RIMBP2: variants seen among roughly 807,000 people sequenced by gnomAD.
The protein encoded by RIMBP2 is RIMS binding protein 2.
A neutral mutation model predicts 118.6 loss-of-function variants in RIMBP2; 48 were observed. The observed-to-expected ratio is 0.40, with a 90% confidence interval of 0.32 to 0.51. The LOEUF is 0.51. RIMBP2 is among the 20% of genes least tolerant of loss of function. The pLI is 0.41. For missense variants in RIMBP2, 1,551 were observed against 1,768.3 expected, an observed-to-expected ratio of 0.88 and a Z score of 2.20; for synonymous variants, 762 against 742.9, an observed-to-expected ratio of 1.03 and a Z score of -0.42.
In RIMBP2 at chr12:130,532,864, C is replaced by G. The variant is rs544113624; in HGVS notation, c.-216-14947G>C. Among the ~76,000 whole-genome samples, 3 of 148,968 alleles carry G rather than the reference C, an allele frequency of 2.0e-5. No individual in the cohort carries two copies. The East Asian group carries it at 6.1e-4, about 30-fold the overall frequency. ...GCGTGTGTTTAGCCTCTAGGAGGGACGTCTAATGAGATGCGTATGTTTAGC... is the reference window on the plus strand; with the variant it reads ...GCGTGTGTTTAGCCTCTAGGAGGGAGGTCTAATGAGATGCGTATGTTTAGC... On this transcript the variant is annotated intron_variant, in intron 2 of 22. Transcript: ENST00000690449.
intron 2 of RIMBP2, among the ~76,000 whole-genome samples, chr12:130,540,134 G>C (rs1232278867): frequency 6.6e-6 from 1 of 152,144 alleles, no homozygotes; most frequent in Non-Finnish European, 1.5e-5. Flanking sequence ...GGCTATGGCA[G>C]GAACTTGGGT....
Position 130,450,921 on chromosome 12 carries a change from C to T in RIMBP2, c.504+274G>A, listed in dbSNP as rs151250233. Among the ~76,000 whole-genome samples the T allele has an allele frequency of 6.6e-6, 1 of 152,228 alleles. No individual in the cohort carries two copies. Among genetic ancestry groups the T allele is most frequent in the Non-Finnish European group, 1.5e-5 (1 of 68,046 alleles). ...CAACAGCCTTGCTGCGTCATCCTTGCACCCCTCGATGGGATTTGCTTTTCT... is the reference window on the plus strand; with the variant it reads ...CAACAGCCTTGCTGCGTCATCCTTGTACCCCTCGATGGGATTTGCTTTTCT... On this transcript the variant is annotated intron_variant, in intron 8 of 22. Coordinates refer to ENST00000690449, the MANE Select transcript of RIMBP2 (RefSeq NM_001393629.1). This position sits in a 1 kb window ranked among gnomAD's most constrained non-coding sequence, Gnocchi z 4.8.
chr12:130,613,813 C>CAAAAA (rs376443531), intron 2 of RIMBP2, among the ~76,000 whole-genome samples: 2 of 105,062 alleles, frequency 1.9e-5, no homozygotes, highest in Non-Finnish European at 1.9e-5. Context: ...GACTCTGTCT[C>CAAAAA]AAAAAAAAAA....
rs534454219 is a variant in RIMBP2, at chr12:130,478,829, C to G, written c.102+83G>C. 1.0e-5 allele frequency: 10 copies of G among 954,874 alleles called. No individual in the cohort carries two copies. In the East Asian group the frequency reaches 2.0e-4, roughly 19 times the overall value. The allele number at this position is 954,874 out of a possible 1,614,324, so 59.2% of individuals were successfully genotyped here. A position where few individuals can be genotyped will look rare whatever the true frequency, so the allele number is the denominator to read the frequency against. ...CGGCCTGGGAGCCAAGGCCGCAGGT[C>G]GGCCGCTCCACCACACCAGGGATCC... On this transcript the variant is annotated intron_variant, in intron 5 of 22. Coordinates refer to ENST00000690449, the MANE Select transcript of RIMBP2 (RefSeq NM_001393629.1).
rs971740966 is a variant in RIMBP2 at position 130,397,462 on chromosome 12, A to T, written c.3988T>A (p.Ser1330Thr). ...HSGSPTSSMGSGSPGRGREMS... is the reference protein window; with the variant it reads ...HSGSPTSSMGTGSPGRGREMS... Reference sequence around the variant, plus strand: ...TCCCTGCCTCTCCCAGGACTACCAGAACCCATAGATGACGTAGGTGACCCC... The same window carrying T: ...TCCCTGCCTCTCCCAGGACTACCAGTACCCATAGATGACGTAGGTGACCCC... Residue 1330 changes from serine (S) to threonine (T), a missense_variant, in exon 23 of 23, where the codon TCT becomes ACT. This residue lies in a region of RIMBP2 where 1,038 missense variants were observed against 1,125.1 expected (regional missense o/e 0.92). Coordinates refer to ENST00000690449, the MANE Select transcript of RIMBP2 (RefSeq NM_001393629.1). 2.5e-6 allele frequency: 1 copy of T among 398,848 alleles called. No individual in the cohort carries two copies. Among genetic ancestry groups the T allele is most frequent in the Non-Finnish European group, 4.4e-6 (1 of 226,080 alleles). The allele number at this position is 398,848 out of a possible 1,614,324, so 24.7% of individuals were successfully genotyped here.
chr12:130,558,630 C>T (rs1242992624), intron 2 of RIMBP2, among the ~76,000 whole-genome samples: 2 of 152,200 alleles, frequency 1.3e-5, no homozygotes, highest in Non-Finnish European at 2.9e-5. Context: ...ACCGAGAATG[C>T]AGCCAGCCTG....
intron 2 of RIMBP2, among the ~76,000 whole-genome samples, chr12:130,615,202 T>G (rs1029108094): frequency 6.9e-6 from 1 of 144,756 alleles, no homozygotes; most frequent in Non-Finnish European, 1.5e-5. Context: ...TTACAACATA[T>G]ACATCATATT....
chr12:130,416,228 A>C (rs1031004863), intron 17 of RIMBP2, among the ~76,000 whole-genome samples: 1 of 152,254 alleles, frequency 6.6e-6, no homozygotes, highest in African/African-American at 2.4e-5. Flanking sequence ...AAACTACTCT[A>C]AAATTCATAT....
At chr12:130,460,349 T>C (rs569725285) in intron 6 of RIMBP2, among the ~76,000 whole-genome samples, 2 of 152,292 alleles carry the variant, frequency 1.3e-5, no homozygotes, top group East Asian at 1.9e-4. Context: ...GTAATCATGG[T>C]GGCAGTATTG....
Position 130,424,272 on chromosome 12 carries a change from T to C in RIMBP2, c.2999A>G (p.Lys1000Arg), listed in dbSNP as rs113661528. ...QPGPERPPPR[K>R]HGWGEPTEHQ... ...CTCGGTGGGCTCGCCCCAGCCGTGC[T>C]TCCTGGGGGGCGGCCTCTCCGGGCC... The change falls in exon 16 of 23, where the codon AAG (lysine) becomes AGG (arginine). Residue 1000 changes from lysine to arginine, a missense_variant. Around this residue, in one of 5 missense-constraint regions of RIMBP2, gnomAD observed 1,038 missense variants for 1,125.1 expected, o/e 0.92. Transcript: ENST00000690449. The surrounding 1 kb of genome is among the most constrained non-coding windows in gnomAD (Gnocchi z 9.8). The C allele has an allele frequency of 9.2e-3, 11,284 of 1,231,730 alleles. 767 individuals are homozygous for C. In the African/African-American group the frequency reaches 0.15, roughly 17 times the overall value. The allele number at this position is 1,231,730 out of a possible 1,614,324, so 76.3% of individuals were successfully genotyped here. A position where few individuals can be genotyped will look rare whatever the true frequency, so the allele number is the denominator to read the frequency against.
intron 3 of RIMBP2, among the ~76,000 whole-genome samples, chr12:130,515,539 T>C (rs965411009): frequency 2.0e-5 from 3 of 152,214 alleles, no homozygotes; most frequent in African/African-American, 7.2e-5. Flanking sequence ...GTAGCGTGTG[T>C]CAGAGTTTCC....
intron 2 of RIMBP2, among the ~76,000 whole-genome samples, chr12:130,588,647 G>C (rs1481237263): frequency 6.6e-6 from 1 of 152,224 alleles, no homozygotes; most frequent in African/African-American, 2.4e-5. Flanking sequence ...AGACAAGAAA[G>C]CGAGTCCAAT....
intron 17 of RIMBP2, among the ~76,000 whole-genome samples, chr12:130,418,456 G>A (rs2076227991): frequency 6.6e-6 from 1 of 152,214 alleles, no homozygotes; most frequent in Non-Finnish European, 1.5e-5. Context: ...GAACAGCTGT[G>A]GCTGCATGAG....
chr12:130,452,445 C>A (rs1201928575), intron 7 of RIMBP2, among the ~76,000 whole-genome samples: 2 of 152,212 alleles, frequency 1.3e-5, no homozygotes, highest in Admixed American at 1.3e-4. Flanking sequence ...TCCTGGAGGG[C>A]AGGACCTTGT....
chr12:130,674,841 C>A (rs1312131105), intron 1 of RIMBP2, among the ~76,000 whole-genome samples: 1 of 152,012 alleles, frequency 6.6e-6, no homozygotes, highest in Non-Finnish European at 1.5e-5. Flanking sequence ...CGGGACGGGT[C>A]GTATACGTGG....
chr12:130,397,589 G>A (rs1031352020), intron 22 of RIMBP2, 40 bp from the exon 23 acceptor site: 13 of 398,388 alleles, frequency 3.3e-5, no homozygotes, highest in African/African-American at 1.0e-4. Context: ...GTGTGTGAGC[G>A]CCAACAACAG....
In RIMBP2 at chr12:130,523,537, C is replaced by G. The variant is rs35990721; in HGVS notation, c.-216-5620G>C. On this transcript the variant is annotated intron_variant, in intron 2 of 22. Transcript: ENST00000690449. This position sits in a 1 kb window ranked among gnomAD's most constrained non-coding sequence, Gnocchi z 4.4. ...GAAGAAACTGGGTCTTCTGAAGACA[C>G]CCCCTTCCCCATCAGGAGCTCCAGT... Among the ~76,000 whole-genome samples, 1 of 152,174 alleles carries G rather than the reference C, an allele frequency of 6.6e-6. No individual in the cohort carries two copies. Among genetic ancestry groups the G allele is most frequent in the Non-Finnish European group, 1.5e-5 (1 of 68,016 alleles).
intron 2 of RIMBP2, among the ~76,000 whole-genome samples, chr12:130,591,105 A>G (rs948509481): frequency 3.3e-5 from 5 of 152,166 alleles, no homozygotes; most frequent in Admixed American, 2.6e-4. Context: ...ATTAAATATC[A>G]TTTTCCTAGG....
intron 5 of RIMBP2, 75 bp downstream of exon 5, chr12:130,478,837 C>T (rs909279996): frequency 1.8e-6 from 2 of 1,109,240 alleles, no homozygotes; most frequent in East Asian, 4.8e-5. Flanking sequence ...GTCGGCCGCT[C>T]CACCACACCA....
Sources: gnomAD v4.1 joint callset for allele counts (sites outside exome capture counted in the v4.1 genomes callset) on GRCh38, gnomAD v4.1.1 for gene constraint, gnomAD v4.1.1 regional missense constraint, Gnocchi (gnomAD v3.1) non-coding constraint, MANE v1.5 for transcripts, NCBI Gene and HGNC (gene_info 2026-07-23, HGNC 2026-07-21) for gene names.